The following GRIK4 variants were observed in gnomAD, a reference collection of about 807,000 sequenced individuals.
GRIK4 encodes the protein glutamate receptor ionotropic, kainate 4.
In GRIK4, 40 loss-of-function variants were observed where a neutral mutation model predicts 104.9. That is an observed-to-expected ratio of 0.38 (90% CI 0.30 to 0.50). GRIK4 has a LOEUF of 0.50. GRIK4 is among the 20% of genes least tolerant of loss of function. GRIK4 has a pLI of 0.93. For missense variants in GRIK4, 1,047 were observed against 1,308.1 expected, an observed-to-expected ratio of 0.80 and a Z score of 3.08; for synonymous variants, 485 against 524.9, an observed-to-expected ratio of 0.92 and a Z score of 1.04.
At chr11:120,539,139 G>A (rs1948007228) in intron 1 of GRIK4, among the ~76,000 whole-genome samples, 1 of 152,182 alleles carries the variant, frequency 6.6e-6, no homozygotes, top group Non-Finnish European at 1.5e-5. Context: ...TTAGGGGAAG[G>A]TACCCCTCAA....
At chr11:120,823,796 GA>G (rs1190986205) in intron 6 of GRIK4, among the ~76,000 whole-genome samples, 2 of 152,214 alleles carry the variant, frequency 1.3e-5, no homozygotes, top group Non-Finnish European at 2.9e-5. Flanking sequence ...TGCAGTAGGG[GA>G]CGGCCCACAT....
intron 13 of GRIK4, among the ~76,000 whole-genome samples, chr11:120,930,319 G>A (rs1030259408): frequency 6.6e-6 from 1 of 152,244 alleles, no homozygotes; most frequent in African/African-American, 2.4e-5. Flanking sequence ...TTTATCTAAT[G>A]TAGAGATAAG....
At chr11:120,762,102 C>CCT (rs761941831) in intron 3 of GRIK4, among the ~76,000 whole-genome samples, 1 of 152,016 alleles carries the variant, frequency 6.6e-6, no homozygotes, top group South Asian at 2.1e-4. Flanking sequence ...CCGTTTGTGT[C>CCT]CTCTCTTATT....
At position 120,680,916 on chromosome 11, in the gene GRIK4, C is replaced by T. The variant is rs531901102; in HGVS notation, c.82+20516C>T. On this transcript the variant is annotated intron_variant, in intron 3 of 20. Transcript: ENST00000527524. Reference sequence around the variant, plus strand: ...GTTGAGTCTCTGGCCTTTTCAGTTACGGCAAAATATATCATGGGCAGCCAC... The same window carrying T: ...GTTGAGTCTCTGGCCTTTTCAGTTATGGCAAAATATATCATGGGCAGCCAC... Among the ~76,000 whole-genome samples, 17 of 152,278 alleles carry T rather than the reference C, an allele frequency of 1.1e-4. No homozygotes were observed. The East Asian group carries it at 1.5e-3, about 14-fold the overall frequency.
chr11:120,559,516 A>G (rs887785096), intron 1 of GRIK4, among the ~76,000 whole-genome samples: 4 of 152,242 alleles, frequency 2.6e-5, no homozygotes, highest in Non-Finnish European at 5.9e-5. Flanking sequence ...AACATTAACA[A>G]AAATTATTTT....
intron 7 of GRIK4, among the ~76,000 whole-genome samples, chr11:120,836,185 A>G (rs1380657897): frequency 1.3e-5 from 2 of 152,140 alleles, no homozygotes; most frequent in African/African-American, 2.4e-5. Flanking sequence ...GGGAGTATAG[A>G]GTTTGGATAA....
At chr11:120,715,075 T>G (rs1591828631) in intron 3 of GRIK4, among the ~76,000 whole-genome samples, 2 of 152,196 alleles carry the variant, frequency 1.3e-5, no homozygotes, top group Admixed American at 1.3e-4. Context: ...GTAACTACCT[T>G]CATCCGTGGG....
At chr11:120,573,358 G>A (rs1242462827) in intron 1 of GRIK4, among the ~76,000 whole-genome samples, 1 of 152,176 alleles carries the variant, frequency 6.6e-6, no homozygotes, top group South Asian at 2.1e-4. Flanking sequence ...CAAGAGCTGG[G>A]CCATGATGAA....
chr11:120,669,782 C>T (rs926123731), intron 3 of GRIK4, among the ~76,000 whole-genome samples: 8 of 152,354 alleles, frequency 5.3e-5, no homozygotes, highest in East Asian at 3.9e-4. Context: ...CCTCAGGGCC[C>T]GGTCCTTAAA....
intron 1 of GRIK4, among the ~76,000 whole-genome samples, chr11:120,616,536 A>G (rs557251117): frequency 7.9e-5 from 12 of 152,242 alleles, no homozygotes; most frequent in Admixed American, 3.9e-4. Context: ...GCCAGGATGG[A>G]TGGAATAGGA....
intron 1 of GRIK4, among the ~76,000 whole-genome samples, chr11:120,609,823 A>G (rs1367830010): frequency 6.6e-6 from 1 of 151,772 alleles, no homozygotes; most frequent in African/African-American, 2.4e-5. Flanking sequence ...TGCACATCTT[A>G]ATGGACCTGC....
intron 3 of GRIK4, among the ~76,000 whole-genome samples, chr11:120,758,652 CAA>C (rs566180731): frequency 9.1e-4 from 139 of 152,286 alleles, no homozygotes; most frequent in African/African-American, 3.2e-3. Context: ...CTTCTAATAA[CAA>C]GAGGGTGACC....
intron 3 of GRIK4, among the ~76,000 whole-genome samples, chr11:120,708,999 C>T (rs979197462): frequency 2.0e-5 from 3 of 152,118 alleles, no homozygotes; most frequent in African/African-American, 7.2e-5. Context: ...AACCCAAGAG[C>T]TTGGGGACAA....
intron 1 of GRIK4, among the ~76,000 whole-genome samples, chr11:120,560,547 A>T (rs1268015889): frequency 3.9e-5 from 6 of 152,222 alleles, no homozygotes; most frequent in Non-Finnish European, 5.9e-5. Context: ...GTATAGCTAG[A>T]CTTATATACA....
intron 1 of GRIK4, among the ~76,000 whole-genome samples, chr11:120,570,364 C>T (rs1948381991): frequency 6.6e-6 from 1 of 152,148 alleles, no homozygotes; most frequent in Non-Finnish European, 1.5e-5. Context: ...TGTTTAGCTG[C>T]TTTTTTCTGA....
intron 1 of GRIK4, among the ~76,000 whole-genome samples, chr11:120,573,266 G>T (rs886527842): frequency 1.1e-4 from 17 of 152,144 alleles, no homozygotes; most frequent in Non-Finnish European, 2.4e-4. Flanking sequence ...TTGTCACCAG[G>T]ATATAAACCT....
At chr11:120,691,168 CG>C (rs1950354847) in intron 3 of GRIK4, among the ~76,000 whole-genome samples, 1 of 152,170 alleles carries the variant, frequency 6.6e-6, no homozygotes, top group South Asian at 2.1e-4. Flanking sequence ...CATTTTATCT[CG>C]GCATCTACTG....
At chr11:120,515,431 A>G (rs959954485) in intron 1 of GRIK4, among the ~76,000 whole-genome samples, 3 of 152,218 alleles carry the variant, frequency 2.0e-5, no homozygotes, top group Non-Finnish European at 2.9e-5. Context: ...GGTTAGCAGC[A>G]TGGAATGTGA....
intron 1 of GRIK4, among the ~76,000 whole-genome samples, chr11:120,583,314 T>C (rs1948613683): frequency 6.6e-6 from 1 of 152,174 alleles, no homozygotes; most frequent in Admixed American, 6.6e-5. Context: ...GTTTACTCTG[T>C]TGATAGTTTC....
Sources: gnomAD v4.1 joint callset for allele counts (sites outside exome capture counted in the v4.1 genomes callset) on GRCh38, gnomAD v4.1.1 for gene constraint, MANE v1.5 for transcripts, NCBI Gene and HGNC (gene_info 2026-07-23, HGNC 2026-07-21) for gene names.